The following DOCK9 variants were observed in gnomAD, a reference collection of about 807,000 sequenced individuals.
The protein encoded by DOCK9 is dedicator of cytokinesis protein 9.
In DOCK9, 89 loss-of-function variants were observed where a neutral mutation model predicts 263.3. The observed-to-expected ratio is 0.34, with a 90% CI of 0.28 to 0.40. The LOEUF is 0.40. Among genes scored for constraint, DOCK9 ranks in the 10% least tolerant of loss-of-function variants. DOCK9 has a pLI of 1.00. For missense variants in DOCK9, 2,140 were observed against 2,603.4 expected (o/e 0.82, Z 3.87); for synonymous variants, 976 against 973.1 (o/e 1.00, Z -0.06).
chr13:98,989,804 A>G (rs895072362), intron 1 of DOCK9, among the ~76,000 whole-genome samples: 1 of 152,198 alleles, frequency 6.6e-6, no homozygotes, highest in African/African-American at 2.4e-5. Flanking sequence ...AGAAAAAAGA[A>G]AATTTTATAT....
At position 98,817,568 on chromosome 13, in the gene DOCK9, C is replaced by T. The variant is rs145133829; in HGVS notation, c.5130+6830G>A. ...TCTGCCTTCCAAAGTGCTGGGATTA[C>T]AGGTGTGAGCCACCACATCTAGCCT... On this transcript the variant is annotated intron_variant, in intron 45 of 52. Transcript: ENST00000682017. 2.3e-3 allele frequency among the ~76,000 whole-genome samples: 329 copies of T among 145,610 alleles called. 2 individuals carry two copies. The highest frequency in any genetic ancestry group is 8.1e-3 in the African/African-American group (313 of 38,880).
chr13:99,005,041 A>T (rs12428186), intron 1 of DOCK9, among the ~76,000 whole-genome samples: 47,183 of 151,570 alleles, frequency 0.31, 7,433 homozygotes, highest in Middle Eastern at 0.43. Flanking sequence ...TTTTGCTGGG[A>T]CTTCTTTTGT....
intron 1 of DOCK9, among the ~76,000 whole-genome samples, chr13:98,986,388 A>G (rs866495527): frequency 2.0e-5 from 3 of 152,248 alleles, no homozygotes; most frequent in African/African-American, 7.2e-5. Flanking sequence ...GGCCAACTCT[A>G]GACTCGTACT....
chr13:98,826,866 C>T lies in DOCK9; in HGVS notation c.4987G>A (p.Val1663Ile), dbSNP rs376491903. Residue 1663 changes from valine to isoleucine, a missense_variant, in exon 44 of 53, where the codon GTA becomes ATA. Around this residue, in one of 2 missense-constraint regions of DOCK9, gnomAD observed 619 missense variants for 861.8 expected, o/e 0.72. Transcript: ENST00000682017. ...AGATATTCTGCCACTAGGGCTGTTA[C>T]GTGGACATAGCACATTGCTGCCTAT... is the stretch of plus-strand genomic sequence containing the variant. Reference protein sequence around the residue: ...LSEAAMCYVHVTALVAEYLTR... With the variant: ...LSEAAMCYVHITALVAEYLTR... The T allele has an allele frequency of 1.5e-5, 24 of 1,610,670 alleles. No individual in the cohort carries two copies. The highest frequency in any genetic ancestry group is 7.8e-5 in the South Asian group (7 of 90,030).
At chr13:99,067,350 T>G (rs1411203097) in intron 1 of DOCK9, among the ~76,000 whole-genome samples, 2 of 152,200 alleles carry the variant, frequency 1.3e-5, no homozygotes, top group Non-Finnish European at 1.5e-5. Flanking sequence ...AACATCATCA[T>G]CAAGAACTCA....
At chr13:98,993,009 G>A (rs545947648) in intron 1 of DOCK9, among the ~76,000 whole-genome samples, 1 of 152,322 alleles carries the variant, frequency 6.6e-6, no homozygotes, top group African/African-American at 2.4e-5. Flanking sequence ...TTTAGATGAA[G>A]CAGCACCCCC....
rs199853245 is a variant in DOCK9, at chr13:99,080,850, C to T, written c.129+5373G>A. On this transcript the variant is annotated intron_variant, in intron 1 of 32. Transcript: ENST00000427887. ...ACCTGTTTAGATCATAAACCCTACA[C>T]GGGCAAGGGCCTACTCTGACATGGT... 3.3e-5 allele frequency among the ~76,000 whole-genome samples: 5 copies of T among 152,176 alleles called. No homozygotes were observed. The East Asian group carries it at 7.7e-4, about 23-fold the overall frequency.
intron 1 of DOCK9, among the ~76,000 whole-genome samples, chr13:98,999,288 G>A (rs1459727407): frequency 1.4e-3 from 194 of 137,674 alleles, no homozygotes; most frequent in African/African-American, 4.5e-3. Context: ...ACGCATGCAC[G>A]CGCACACACA....
intron 27 of DOCK9, 54 bp from the exon 28 acceptor site, chr13:98,868,431 G>A: frequency 2.0e-6 from 3 of 1,532,556 alleles, no homozygotes; most frequent in Non-Finnish European, 2.6e-6. Flanking sequence ...AATCATTTGG[G>A]AGGAAAAAAT....
intron 2 of DOCK9, chr13:98,950,105 A>T: frequency 2.0e-6 from 1 of 505,340 alleles, no homozygotes; most frequent in African/African-American, 1.9e-5. Context: ...ATACCACTGA[A>T]AATTTTCTTC....
In DOCK9 at chr13:98,880,537, C is replaced by G. The variant is rs2044578785; in HGVS notation, c.2871+10G>C. On this transcript the variant is annotated intron_variant, in intron 26 of 52. Coordinates refer to ENST00000682017, the MANE Select transcript of DOCK9 (RefSeq NM_001366683.2). ...TTTCAATCAGAGCCACACTGACTCT[C>G]CTGACATACCTTCAGTAGTTTGTTG... 1 of 1,613,650 alleles carries G rather than the reference C, an allele frequency of 6.2e-7. No homozygotes were observed. Among genetic ancestry groups the G allele is most frequent in the Admixed American group, 1.7e-5 (1 of 59,992 alleles).
At position 98,797,143 on chromosome 13, in the gene DOCK9, T is replaced by C; in HGVS notation, c.6128A>G (p.Lys2043Arg). The C allele has an allele frequency of 6.2e-7, 1 of 1,614,046 alleles. No homozygotes were observed. Among genetic ancestry groups the C allele is most frequent in the Non-Finnish European group, 8.5e-7 (1 of 1,179,898 alleles). ...CTCATGCATGATTTCAGAAAGCTCC[T>C]TCGCCATTTCCCTGTAGTTGGCTTT... is the stretch of plus-strand genomic sequence containing the variant. ...EMKANYREMA[K>R]ELSEIMHEQI... The change falls in exon 52 of 53, where the codon AAG becomes AGG. Residue 2043 changes from lysine (K) to arginine (R), a missense_variant. Around this residue, in one of 2 missense-constraint regions of DOCK9, gnomAD observed 619 missense variants for 861.8 expected, o/e 0.72. Coordinates refer to ENST00000682017, the MANE Select transcript of DOCK9 (RefSeq NM_001366683.2).
chr13:98,896,000 C>A (rs1048717971), intron 15 of DOCK9, among the ~76,000 whole-genome samples: 2 of 152,288 alleles, frequency 1.3e-5, no homozygotes, highest in East Asian at 3.9e-4. Context: ...AGGCCTCATC[C>A]TTCACCAGTA....
At chr13:98,964,858 G>A (rs559308575) in intron 1 of DOCK9, among the ~76,000 whole-genome samples, 5 of 152,322 alleles carry the variant, frequency 3.3e-5, no homozygotes, top group East Asian at 1.9e-4. Context: ...CCAGATGGAC[G>A]TGCTTGAGGA....
intron 36 of DOCK9, 41 bp downstream of exon 36, chr13:98,850,006 G>T: frequency 1.4e-6 from 2 of 1,416,842 alleles, no homozygotes; most frequent in Non-Finnish European, 2.0e-6. Context: ...AATGATCCAG[G>T]AAAAAATCAA....
In DOCK9 at chr13:98,955,346, C is replaced by T. The variant is rs540422311; in HGVS notation, c.243+89G>A. The T allele has an allele frequency of 7.2e-5, 61 of 842,378 alleles. No homozygotes were observed. In the South Asian group the frequency reaches 1.5e-3, roughly 20 times the overall value. The allele number at this position is 842,378 out of a possible 1,614,324, so 52.2% of individuals were successfully genotyped here. A position where few individuals can be genotyped will look rare whatever the true frequency, so the allele number is the denominator to read the frequency against. On this transcript the variant is annotated intron_variant, in intron 2 of 52. Transcript: ENST00000682017. The stretch of plus-strand genomic sequence containing the variant: ...AAAAAATAATAATAATAATAATTAA[C>T]TAACCAAACAATAAATCAATACATA...
intron 1 of DOCK9, among the ~76,000 whole-genome samples, chr13:99,069,057 C>A (rs75031393): frequency 2.4e-3 from 372 of 152,242 alleles, no homozygotes; most frequent in African/African-American, 8.7e-3. Context: ...TTTTAGCCAA[C>A]GCAAAGCAGC....
intron 3 of DOCK9, 66 bp from the exon 4 acceptor site, chr13:98,925,985 T>G (rs1022166924): frequency 7.3e-7 from 1 of 1,367,832 alleles, no homozygotes; most frequent in African/African-American, 1.5e-5. Flanking sequence ...GGAAAACACT[T>G]GGGAAAGTTT....
rs546073564 is a variant in DOCK9 at position 98,901,075 on chromosome 13, C to T, written c.1503+703G>A. Reference sequence around the variant, plus strand: ...ACTAACCAGGTAGCACAAGGTGCTACGAAGTGGCAGTCAAGTGCCCCCTGG... The same window carrying T: ...ACTAACCAGGTAGCACAAGGTGCTATGAAGTGGCAGTCAAGTGCCCCCTGG... On this transcript the variant is annotated intron_variant, in intron 13 of 52. Coordinates refer to ENST00000682017, the MANE Select transcript of DOCK9 (RefSeq NM_001366683.2). 3.9e-5 allele frequency among the ~76,000 whole-genome samples: 6 copies of T among 152,290 alleles called. No homozygotes were observed. The South Asian group carries it at 8.3e-4, about 21-fold the overall frequency.
Sources: gnomAD v4.1 joint callset for allele counts (sites outside exome capture counted in the v4.1 genomes callset) on GRCh38, gnomAD v4.1.1 for gene constraint, gnomAD v4.1.1 regional missense constraint, MANE v1.5 for transcripts, NCBI Gene and HGNC (gene_info 2026-07-23, HGNC 2026-07-21) for gene names.